Variants in RNF220 observed in about 807,000 individuals in gnomAD.
RNF220 encodes the protein ring finger protein 220.
RNF220 carries 7 observed loss-of-function variants against 67.1 expected under a neutral mutation model. That is an observed-to-expected ratio of 0.10 (90% CI 0.06 to 0.20). RNF220 has a LOEUF of 0.20. Ranked by LOEUF, RNF220 falls within the 10% of genes least tolerant of loss-of-function variation. The probability of loss-of-function intolerance (pLI) is 1.00; values close to 1 mark genes in which losing one functional copy is unlikely to be tolerated. For missense variants in RNF220, 565 were observed against 740.3 expected, an observed-to-expected ratio of 0.76 and a Z score of 2.75; for synonymous variants, 270 against 283.2, an observed-to-expected ratio of 0.95 and a Z score of 0.47.
At chr1:44,632,258 C>T (rs1238888722) in intron 5 of RNF220, 85 bp from the exon 6 acceptor site, 1 of 1,613,612 alleles carries the variant, frequency 6.2e-7, no homozygotes, top group Non-Finnish European at 8.5e-7. Context: ...GGTCGGGGGT[C>T]CGGTGCTGGG....
intron 8 of RNF220, chr1:44,644,463 G>A (rs1044434731): frequency 5.9e-6 from 3 of 507,462 alleles, no homozygotes; most frequent in African/African-American, 3.8e-5. Context: ...GCTAGTTTAT[G>A]AGCAGAGACC....
intron 2 of RNF220, among the ~76,000 whole-genome samples, chr1:44,519,084 G>C (rs1400271776): frequency 1.3e-5 from 2 of 151,580 alleles, no homozygotes; most frequent in Admixed American, 6.6e-5. Context: ...TGAGGTAGAT[G>C]AGGGAGAGGA....
intron 2 of RNF220, among the ~76,000 whole-genome samples, chr1:44,581,776 G>A (rs1215125730): frequency 6.6e-6 from 1 of 152,148 alleles, no homozygotes; most frequent in African/African-American, 2.4e-5. Flanking sequence ...ATCTGCTGGT[G>A]TTCTCTATTC....
At chr1:44,413,010 C>T (rs1179463392) in intron 2 of RNF220, among the ~76,000 whole-genome samples, 1 of 152,140 alleles carries the variant, frequency 6.6e-6, no homozygotes, top group African/African-American at 2.4e-5. Context: ...GGGGTGCCAC[C>T]GACGTACTGA....
At chr1:44,501,101 A>T (rs1657819144) in intron 2 of RNF220, among the ~76,000 whole-genome samples, 1 of 145,928 alleles carries the variant, frequency 6.9e-6, no homozygotes, top group Non-Finnish European at 1.5e-5. Flanking sequence ...GCCCAGAGCC[A>T]GCTCTCCCTT....
At chr1:44,595,561 G>A (rs1393630552) in intron 2 of RNF220, among the ~76,000 whole-genome samples, 1 of 151,986 alleles carries the variant, frequency 6.6e-6, no homozygotes. Flanking sequence ...TGTTTTCTCA[G>A]GGACATGATG....
At position 44,582,713 on chromosome 1, in the gene RNF220, C is replaced by T. The variant is rs1050261438; in HGVS notation, c.626-31452C>T. On this transcript the variant is annotated intron_variant, in intron 2 of 14. Coordinates refer to ENST00000361799, the MANE Select transcript of RNF220 (RefSeq NM_018150.4). ...CGGAGGTTGCAGTGAGCAAAGATCG[C>T]GTTACTGCACTCCAGCCTGGCCAAC... is the stretch of plus-strand genomic sequence containing the variant. Among the ~76,000 whole-genome samples, 4 of 141,650 alleles carry T rather than the reference C, an allele frequency of 2.8e-5. 1 individual carries two copies. Among genetic ancestry groups the T allele is most frequent in the Middle Eastern group, 8.2e-3 (2 of 244 alleles). The allele number at this position is 141,650 out of a possible 152,430, so 92.9% of individuals were successfully genotyped here. A position where few individuals can be genotyped will look rare whatever the true frequency, so the allele number is the denominator to read the frequency against.
At chr1:44,423,758 C>T in intron 2 of RNF220, 6 of 829,540 alleles carry the variant, frequency 7.2e-6, no homozygotes, top group Non-Finnish European at 8.7e-6. Flanking sequence ...TTAAACTAAG[C>T]CACATAGCAC....
intron 2 of RNF220, among the ~76,000 whole-genome samples, chr1:44,481,032 A>G (rs1655755984): frequency 1.3e-5 from 2 of 152,242 alleles, no homozygotes; most frequent in Non-Finnish European, 2.9e-5. Flanking sequence ...GTGGAATGAC[A>G]GGGCAAATTC....
chr1:44,474,905 T>C (rs1346785730), intron 2 of RNF220, among the ~76,000 whole-genome samples: 1 of 152,210 alleles, frequency 6.6e-6, no homozygotes, highest in Non-Finnish European at 1.5e-5. Context: ...AGTGTTTTGG[T>C]GTCTGGAGGG....
intron 5 of RNF220, chr1:44,631,912 C>A: frequency 1.4e-5 from 14 of 986,972 alleles, no homozygotes; most frequent in Non-Finnish European, 1.7e-5. Flanking sequence ...TCCGGCCGCC[C>A]CCGCCGCATT....
At chr1:44,411,356 T>G (rs541014211) in intron 1 of RNF220, among the ~76,000 whole-genome samples, 17 of 152,180 alleles carry the variant, frequency 1.1e-4, no homozygotes, top group Non-Finnish European at 1.6e-4. Flanking sequence ...ATATAGCACT[T>G]TTTTCTGGAA....
chr1:44,526,220 A>G (rs1428970097), intron 2 of RNF220, among the ~76,000 whole-genome samples: 1 of 152,210 alleles, frequency 6.6e-6, no homozygotes, highest in African/African-American at 2.4e-5. Context: ...TGGTGTCACC[A>G]CTAGCAGACC....
intron 2 of RNF220, among the ~76,000 whole-genome samples, chr1:44,520,535 C>A (rs2148154589): frequency 6.6e-6 from 1 of 152,280 alleles, no homozygotes; most frequent in Non-Finnish European, 1.5e-5. Context: ...CTGCCATCTG[C>A]CTCTCCTGCC....
At chr1:44,512,757 GTGTGATAACCGTC>G (rs1659117472) in intron 2 of RNF220, among the ~76,000 whole-genome samples, 1 of 152,338 alleles carries the variant, frequency 6.6e-6, no homozygotes, top group African/African-American at 2.4e-5. Flanking sequence ...AAGCGGAGGG[GTGTGATAACCGTC>G]TGCAGATTTC....
chr1:44,458,515 T>C (rs1653430383), intron 2 of RNF220, among the ~76,000 whole-genome samples: 2 of 152,136 alleles, frequency 1.3e-5, no homozygotes, highest in African/African-American at 4.8e-5. Flanking sequence ...ATGGCTATTT[T>C]ATATAAAGCC....
rs1188755166 is a variant in RNF220 at position 44,412,700 on chromosome 1, C to G, written c.603C>G (p.Ser201Arg). 1 of 1,614,058 alleles carries G rather than the reference C, an allele frequency of 6.2e-7. No individual in the cohort carries two copies. The highest frequency in any genetic ancestry group is 8.5e-7 in the Non-Finnish European group (1 of 1,179,966). Residue 201 changes from serine (S) to arginine (R), a missense_variant, in exon 2 of 15, where the codon AGC (serine) becomes AGG (arginine). Transcript: ENST00000361799. This position sits in a 1 kb window ranked among gnomAD's most constrained non-coding sequence, Gnocchi z 5.3. ...GLISDREASSSPEDRNDRCKK... is the reference protein window; with the variant it reads ...GLISDREASSRPEDRNDRCKK... ...TTTCTGATCGGGAAGCCTCATCTAG[C>G]CCAGAGGATCGGAATGACAGATGTA...
In RNF220 at chr1:44,427,110, G is replaced by A. The variant is rs1213918239; in HGVS notation, c.625+14388G>A. 3.3e-5 allele frequency among the ~76,000 whole-genome samples: 5 copies of A among 152,102 alleles called. No homozygotes were observed. In the East Asian group the frequency reaches 7.7e-4, roughly 23 times the overall value. The stretch of plus-strand genomic sequence containing the variant: ...GATTTAATCCTCATAAAATCCCTAC[G>A]AGATAGGTGTTATCTCCATTGTACA... On this transcript the variant is annotated intron_variant, in intron 2 of 14. Coordinates refer to ENST00000361799, the MANE Select transcript of RNF220 (RefSeq NM_018150.4).
intron 2 of RNF220, among the ~76,000 whole-genome samples, chr1:44,524,748 A>C (rs1325218059): frequency 6.6e-6 from 1 of 152,182 alleles, no homozygotes; most frequent in Non-Finnish European, 1.5e-5. Context: ...ATTTCATTTG[A>C]GACCGCTAAT....
Sources: allele counts gnomAD v4.1 joint callset (sites outside exome capture counted in the v4.1 genomes callset), GRCh38; gene constraint gnomAD v4.1.1; non-coding constraint Gnocchi (gnomAD v3.1); transcripts MANE v1.5; gene names NCBI Gene and HGNC (gene_info 2026-07-23, HGNC 2026-07-21).